The following FSTL5 variants were observed in gnomAD, a reference collection of about 807,000 sequenced individuals.
FSTL5 encodes the protein follistatin like 5, also known as follistatin-related protein 5.
FSTL5 carries 62 observed loss-of-function variants against 89.1 expected under a neutral mutation model. That is an observed-to-expected ratio of 0.70 (90% CI 0.57 to 0.86). FSTL5 has a LOEUF of 0.86. Among genes scored for constraint, FSTL5 ranks in the 40% least tolerant of loss-of-function variants. FSTL5 has a pLI of 0.00. For missense variants in FSTL5, 1,057 were observed against 1,001.6 expected (o/e 1.06, Z -0.75); for synonymous variants, 383 against 346.2 (o/e 1.11, Z -1.18).
At chr4:162,136,324 G>C (rs1732520002) in intron 1 of FSTL5, among the ~76,000 whole-genome samples, 1 of 152,054 alleles carries the variant, frequency 6.6e-6, no homozygotes, top group African/African-American at 2.4e-5. Flanking sequence ...CCGGTTATTA[G>C]AGGAAAAGGA....
chr4:161,565,240 A>ATCATCATCG (rs946659653), intron 8 of FSTL5, among the ~76,000 whole-genome samples: 1 of 151,704 alleles, frequency 6.6e-6, no homozygotes, highest in African/African-American at 2.4e-5. Flanking sequence ...CATCATCATC[A>ATCATCATCG]TCATCATATT....
chr4:161,401,068 C>G (rs1279476104), intron 15 of FSTL5, among the ~76,000 whole-genome samples: 1 of 152,008 alleles, frequency 6.6e-6, no homozygotes, highest in Non-Finnish European at 1.5e-5. Flanking sequence ...AGTGACTGAA[C>G]TTTAGAATTT....
chr4:161,807,196 T>TACACACACACACACACACACACACAC (rs10561299), intron 4 of FSTL5, among the ~76,000 whole-genome samples: 1 of 146,516 alleles, frequency 6.8e-6, no homozygotes, highest in African/African-American at 2.6e-5. Flanking sequence ...CACATGAGAA[T>TACACACACACACACACACACACACAC]ACACACACAC....
chr4:161,812,524 A>ACACC (rs1238914122), intron 4 of FSTL5, among the ~76,000 whole-genome samples: 1 of 151,638 alleles, frequency 6.6e-6, no homozygotes, highest in Admixed American at 6.6e-5. Context: ...AAAAACACAC[A>ACACC]CACACACACA....
intron 7 of FSTL5, among the ~76,000 whole-genome samples, chr4:161,601,350 A>AG (rs1734230146): frequency 6.9e-6 from 1 of 144,720 alleles, no homozygotes; most frequent in African/African-American, 2.5e-5. Flanking sequence ...AAAAAAAAAA[A>AG]GGCAGCCAAT....
At chr4:162,075,667 C>T (rs1729809265) in intron 2 of FSTL5, among the ~76,000 whole-genome samples, 1 of 151,860 alleles carries the variant, frequency 6.6e-6, no homozygotes, top group Non-Finnish European at 1.5e-5. Context: ...GAATCATAGG[C>T]AAATGACTCT....
At chr4:162,048,029 G>C (rs1738252365) in intron 2 of FSTL5, among the ~76,000 whole-genome samples, 1 of 151,994 alleles carries the variant, frequency 6.6e-6, no homozygotes, top group Non-Finnish European at 1.5e-5. Flanking sequence ...AATTGTTCAT[G>C]TTAAAGCCTA....
chr4:161,541,151 T>G (rs910471925), intron 9 of FSTL5, among the ~76,000 whole-genome samples: 1 of 152,118 alleles, frequency 6.6e-6, no homozygotes, highest in Non-Finnish European at 1.5e-5. Flanking sequence ...TTAAGCCACA[T>G]GGAGTTTTAT....
intron 7 of FSTL5, among the ~76,000 whole-genome samples, chr4:161,636,388 T>C (rs527422340): frequency 1.1e-4 from 16 of 151,510 alleles, no homozygotes; most frequent in Middle Eastern, 3.2e-3. Flanking sequence ...ACATTATCCA[T>C]AATCTCTTGC....
intron 6 of FSTL5, among the ~76,000 whole-genome samples, chr4:161,746,170 T>G (rs919501796): frequency 6.6e-6 from 1 of 152,116 alleles, no homozygotes; most frequent in Admixed American, 6.6e-5. Flanking sequence ...GGTTTGAAGT[T>G]GTCACCAATT....
chr4:162,067,624 A>C (rs1738962695), intron 2 of FSTL5, among the ~76,000 whole-genome samples: 1 of 152,116 alleles, frequency 6.6e-6, no homozygotes, highest in Non-Finnish European at 1.5e-5. Flanking sequence ...AGCTGGAAGC[A>C]TTCCCCTTAA....
intron 2 of FSTL5, among the ~76,000 whole-genome samples, chr4:162,100,020 A>C (rs1730925578): frequency 6.6e-6 from 1 of 152,182 alleles, no homozygotes; most frequent in African/African-American, 2.4e-5. Flanking sequence ...AGTTTCTTAC[A>C]AAACTAAACA....
At chr4:161,888,255 G>C (rs1242543316) in intron 4 of FSTL5, among the ~76,000 whole-genome samples, 1 of 152,110 alleles carries the variant, frequency 6.6e-6, no homozygotes, top group Non-Finnish European at 1.5e-5. Flanking sequence ...GCCACTTCCA[G>C]CTTGGTTCAT....
chr4:161,768,620 ATC>A (rs1330628794), intron 5 of FSTL5, among the ~76,000 whole-genome samples: 3 of 152,036 alleles, frequency 2.0e-5, no homozygotes, highest in Non-Finnish European at 2.9e-5. Context: ...CCCACCGTCT[ATC>A]TCTCTTATAC....
rs550786937 is a variant in FSTL5, at chr4:162,012,535, A to G, written c.160+21090T>C. Among the ~76,000 whole-genome samples the G allele has an allele frequency of 1.2e-3, 181 of 152,322 alleles. 1 individual carries two copies. The highest frequency in any genetic ancestry group is 3.4e-3 in the African/African-American group (142 of 41,582). On this transcript the variant is annotated intron_variant, in intron 3 of 15. Coordinates refer to ENST00000306100, the MANE Select transcript of FSTL5 (RefSeq NM_020116.5). ...TCAAAACATTCCTAGTATTTCTTCA[A>G]TTAATAAAATCTATGGAAAAATTTT...
At chr4:162,121,561 C>T (rs1396619027) in intron 1 of FSTL5, among the ~76,000 whole-genome samples, 1 of 152,004 alleles carries the variant, frequency 6.6e-6, no homozygotes, top group East Asian at 1.9e-4. Context: ...ATCAGTCTCC[C>T]ACCTTGCTGA....
intron 8 of FSTL5, among the ~76,000 whole-genome samples, chr4:161,544,020 C>T (rs567143508): frequency 6.6e-6 from 1 of 151,644 alleles, no homozygotes; most frequent in Admixed American, 6.6e-5. Context: ...AGAACTGTTA[C>T]AAATCAGCAG....
chr4:161,652,300 T>G (rs1211920597), intron 7 of FSTL5, among the ~76,000 whole-genome samples: 3 of 152,118 alleles, frequency 2.0e-5, no homozygotes, highest in African/African-American at 7.2e-5. Context: ...TTAGGTGCGG[T>G]GGCTCACATC....
At position 161,911,829 on chromosome 4, in the gene FSTL5, C is replaced by CT. The variant is rs543657539; in HGVS notation, c.409+8574dup. Among the ~76,000 whole-genome samples the CT allele has an allele frequency of 5.1e-3, 776 of 152,198 alleles. 5 individuals carry two copies. Among genetic ancestry groups the CT allele is most frequent in the Non-Finnish European group, 7.6e-3 (514 of 67,986 alleles). ...AGAGCAATATTGCTAATTATTCATG[C>CT]TTTTTTCGTCATTCTGGAAAGTGCA... On this transcript the variant is annotated intron_variant, in intron 4 of 15. Coordinates refer to ENST00000306100, the MANE Select transcript of FSTL5 (RefSeq NM_020116.5).
Sources: gnomAD v4.1 joint callset for allele counts (sites outside exome capture counted in the v4.1 genomes callset) on GRCh38, gnomAD v4.1.1 for gene constraint, MANE v1.5 for transcripts, NCBI Gene and HGNC (gene_info 2026-07-23, HGNC 2026-07-21) for gene names.